The following GSTCD variants were observed in gnomAD, a reference collection of about 807,000 sequenced individuals.
The protein encoded by GSTCD is glutathione S-transferase C-terminal domain containing.
In GSTCD, 44 loss-of-function variants were observed where a neutral mutation model predicts 68.3. The observed-to-expected ratio is 0.64, with a 90% confidence interval of 0.51 to 0.83. The LOEUF is 0.83. GSTCD is among the 40% of genes least tolerant of loss of function. GSTCD has a pLI of 0.00. For missense variants in GSTCD, 739 were observed against 735.9 expected, an observed-to-expected ratio of 1.00 and a Z score of -0.05; for synonymous variants, 273 against 255.2, an observed-to-expected ratio of 1.07 and a Z score of -0.67.
At chr4:105,838,755 GTCAATAGCA>G (rs1398828296) in intron 10 of GSTCD, among the ~76,000 whole-genome samples, 3 of 152,074 alleles carry the variant, frequency 2.0e-5, no homozygotes, top group Non-Finnish European at 4.4e-5. Context: ...CAATTAACTG[GTCAATAGCA>G]TGATATAATA....
intron 5 of GSTCD, among the ~76,000 whole-genome samples, chr4:105,801,012 A>G (rs1736086760): frequency 6.6e-6 from 1 of 152,178 alleles, no homozygotes. Context: ...TCTTGTACTT[A>G]GGAAAACTAG....
chr4:105,729,891 C>A (rs906375116), intron 5 of GSTCD, among the ~76,000 whole-genome samples: 3 of 152,108 alleles, frequency 2.0e-5, no homozygotes, highest in Admixed American at 6.5e-5. Flanking sequence ...TATCCCTCCC[C>A]ACTCCCCCTA....
At position 105,846,668 on chromosome 4, in the gene GSTCD, C is replaced by CTTTT. The variant is rs71586114; in HGVS notation, c.*1108_*1111dup. On this transcript the variant is annotated 3_prime_UTR_variant, in exon 12 of 12. Coordinates refer to ENST00000515279, the MANE Select transcript of GSTCD (RefSeq NM_001370181.1). Reference sequence around the variant, plus strand: ...GAAAAAGATTAAAGAATTAGTTAAGCTTTTTTTTTTTTTTTTTTTTGAGAC... The same window carrying CTTTT: ...GAAAAAGATTAAAGAATTAGTTAAGCTTTTTTTTTTTTTTTTTTTTTTTTGAGAC... The CTTTT allele has an allele frequency of 5.1e-5, 6 of 117,960 alleles. No homozygotes were observed. The highest frequency in any genetic ancestry group is 2.6e-4 in the South Asian group (1 of 3,780). The allele number at this position is 117,960 out of a possible 1,614,324, so 7.3% of individuals were successfully genotyped here. A position where few individuals can be genotyped will look rare whatever the true frequency, so the allele number is the denominator to read the frequency against.
At chr4:105,739,387 A>G (rs764746853) in intron 5 of GSTCD, among the ~76,000 whole-genome samples, 3 of 152,200 alleles carry the variant, frequency 2.0e-5, no homozygotes, top group Non-Finnish European at 2.9e-5. Flanking sequence ...TGAGTTTTGA[A>G]GAATTCCCTC....
At chr4:105,803,939 T>TA (rs1736202506) in intron 5 of GSTCD, among the ~76,000 whole-genome samples, 1 of 151,922 alleles carries the variant, frequency 6.6e-6, no homozygotes, top group African/African-American at 2.4e-5. Context: ...GTGAGGGAGA[T>TA]ACAGTTGGTT....
intron 5 of GSTCD, among the ~76,000 whole-genome samples, chr4:105,785,489 C>A (rs1463450200): frequency 6.6e-6 from 1 of 151,960 alleles, no homozygotes; most frequent in South Asian, 2.1e-4. Context: ...GTATCAATAT[C>A]GATTCATGGA....
chr4:105,808,519 A>C (rs1010630086), intron 5 of GSTCD, among the ~76,000 whole-genome samples: 6 of 152,086 alleles, frequency 3.9e-5, no homozygotes, highest in Non-Finnish European at 7.4e-5. Context: ...CTTCCTATTT[A>C]AGTCAAATAA....
At chr4:105,734,070 G>A (rs1395398382) in intron 5 of GSTCD, among the ~76,000 whole-genome samples, 1 of 152,178 alleles carries the variant, frequency 6.6e-6, no homozygotes, top group Non-Finnish European at 1.5e-5. Context: ...TTAGTCTGAT[G>A]GGCTTCCTTT....
At chr4:105,766,887 C>CTTTTTTTTTTTTT in intron 5 of GSTCD, among the ~76,000 whole-genome samples, 15 of 57,130 alleles carry the variant, frequency 2.6e-4, no homozygotes, top group African/African-American at 1.1e-3. Context: ...GTTTTTGACT[C>CTTTTTTTTTTTTT]TTTTTTTTTT....
intron 5 of GSTCD, among the ~76,000 whole-genome samples, chr4:105,730,299 C>A (rs527478449): frequency 2.6e-5 from 4 of 152,112 alleles, no homozygotes; most frequent in African/African-American, 7.2e-5. Flanking sequence ...CTAGTTCTAG[C>A]TCCTTGAGGA....
chr4:105,761,910 T>C (rs1417957805), intron 5 of GSTCD: 7 of 152,264 alleles, frequency 4.6e-5, no homozygotes, highest in Non-Finnish European at 8.8e-5. Context: ...TTTTATTTGC[T>C]CATTACTGAC....
chr4:105,736,671 G>A (rs1419494037), intron 5 of GSTCD, among the ~76,000 whole-genome samples: 3 of 152,098 alleles, frequency 2.0e-5, no homozygotes, highest in Non-Finnish European at 4.4e-5. Flanking sequence ...AAACAGTGCT[G>A]TAGAACCCAG....
At chr4:105,792,273 G>C (rs1437466766) in intron 5 of GSTCD, among the ~76,000 whole-genome samples, 1 of 152,036 alleles carries the variant, frequency 6.6e-6, no homozygotes, top group East Asian at 1.9e-4. Flanking sequence ...ATTCAACAAA[G>C]CTGTATTTTC....
At chr4:105,750,408 C>T (rs1307787710) in intron 5 of GSTCD, among the ~76,000 whole-genome samples, 9 of 146,586 alleles carry the variant, frequency 6.1e-5, no homozygotes, top group Admixed American at 2.1e-4. Flanking sequence ...TGCTGTGAGC[C>T]GAGATTGCGC....
intron 5 of GSTCD, among the ~76,000 whole-genome samples, chr4:105,797,759 A>G (rs978781501): frequency 4.0e-5 from 5 of 124,562 alleles, no homozygotes; most frequent in African/African-American, 1.3e-4. Context: ...ACACAATAGA[A>G]CTTTTTTTTT....
At chr4:105,840,898 G>A (rs778866555) in intron 10 of GSTCD, among the ~76,000 whole-genome samples, 2 of 152,116 alleles carry the variant, frequency 1.3e-5, no homozygotes, top group Non-Finnish European at 2.9e-5. Context: ...TCCTCTAAAA[G>A]GACTAAGTGA....
chr4:105,754,327 GA>G (rs1003199316), intron 5 of GSTCD, among the ~76,000 whole-genome samples: 3 of 151,712 alleles, frequency 2.0e-5, no homozygotes, highest in Admixed American at 6.6e-5. Flanking sequence ...AGAAGAAGGG[GA>G]AAAAAAGTTA....
intron 1 of GSTCD, among the ~76,000 whole-genome samples, chr4:105,710,437 C>A (rs1308177029): frequency 6.7e-6 from 1 of 148,406 alleles, no homozygotes; most frequent in Admixed American, 6.7e-5. Context: ...CCATGTTGGC[C>A]AGGCTGGTCT....
chr4:105,725,883 A>G (rs1241933835), intron 3 of GSTCD, among the ~76,000 whole-genome samples: 1 of 152,130 alleles, frequency 6.6e-6, no homozygotes, highest in Non-Finnish European at 1.5e-5. Context: ...GACTGATAAT[A>G]CCAAGGTTTG....
Sources: gnomAD v4.1 joint callset for allele counts (sites outside exome capture counted in the v4.1 genomes callset) on GRCh38, gnomAD v4.1.1 for gene constraint, MANE v1.5 for transcripts, NCBI Gene and HGNC (gene_info 2026-07-23, HGNC 2026-07-21) for gene names.